Variants in GIMAP6 observed in about 807,000 individuals in gnomAD.
The protein encoded by GIMAP6 is GTPase, IMAP family member 6.
A neutral mutation model predicts 9.3 loss-of-function variants in GIMAP6; 6 were observed. The observed-to-expected ratio is 0.65, with a 90% CI of 0.35 to 1.27. The LOEUF is 1.27. Ranked by LOEUF, GIMAP6 falls within the 50% of genes most tolerant of loss-of-function variation. GIMAP6 has a pLI of 0.03. For missense variants in GIMAP6, 333 were observed against 359.5 expected (o/e 0.93, Z 0.60); for synonymous variants, 156 against 151.1 (o/e 1.03, Z -0.24).
intron 1 of GIMAP6, among the ~76,000 whole-genome samples, chr7:150,631,034 G>A (rs1796383903): frequency 6.6e-6 from 1 of 152,164 alleles, no homozygotes; most frequent in Non-Finnish European, 1.5e-5. Flanking sequence ...GGACTGAGGA[G>A]GAAGTTGCAT....
At chr7:150,628,928 C>G in intron 2 of GIMAP6, 1 of 481,214 alleles carries the variant, frequency 2.1e-6, no homozygotes, top group Non-Finnish European at 3.6e-6. Flanking sequence ...TCTCAGATGA[C>G]AAAGCATGAA....
chr7:150,630,284 C>A (rs1796370714), intron 1 of GIMAP6, 142 bp from the exon 2 acceptor site: 2 of 583,482 alleles, frequency 3.4e-6, no homozygotes, highest in Admixed American at 3.6e-5. Context: ...CTGAGTGAGG[C>A]AATGGAAGAA....
chr7:150,628,267 C>T lies in GIMAP6; in HGVS notation c.331G>A (p.Ala111Thr), dbSNP rs375860624. Residue 111 changes from alanine (A) to threonine (T), a missense_variant, in exon 3 of 3, where the codon GCT (alanine) becomes ACT (threonine). By Grantham distance (58) the Ala-to-Thr change is moderately conservative. Transcript: ENST00000328902. ...GATAAGACGATGGCTTGGCAGATAG[C>T]GTCTGCCACCTCTGGCGAGACCTGG... ...SPQVSPEVAD[A>T]ICQAIVLSAP... 4.9e-5 allele frequency: 79 copies of T among 1,614,034 alleles called. No homozygotes were observed. Among genetic ancestry groups the T allele is most frequent in the East Asian group, 1.6e-4 (7 of 44,874 alleles).
intron 2 of GIMAP6, 66 bp downstream of exon 2, chr7:150,629,992 G>T: frequency 1.9e-6 from 2 of 1,036,942 alleles, no homozygotes; most frequent in Non-Finnish European, 1.5e-6. Flanking sequence ...CACTATGGTG[G>T]TGGAGCTGTG....
chr7:150,628,545 G>C, intron 2 of GIMAP6, 33 bp from the exon 3 acceptor site: 2 of 1,607,384 alleles, frequency 1.2e-6, no homozygotes, highest in Non-Finnish European at 1.7e-6. Flanking sequence ...GAGGGAACTG[G>C]GGTAAGGGCC....
rs146066712 is a variant in GIMAP6, at chr7:150,628,403, G to A, written c.195C>T (p.Val65=). The stretch of plus-strand genomic sequence containing the variant: ...GTCTGGTGCTGAGTTTAGACTCGAA[G>A]ACGTCCCTGCCGAGGATGCTGTTTC... ...ATGNSILGRD[V]FESKLSTRPV... is the part of the protein sequence containing the mutation. Residue 65 remains valine (V), a synonymous_variant, in exon 3 of 3, where the codon GTC becomes GTT. Coordinates refer to ENST00000328902, the MANE Select transcript of GIMAP6 (RefSeq NM_024711.6). 6 of 1,614,174 alleles carry A rather than the reference G, an allele frequency of 3.7e-6. No homozygotes were observed. The highest frequency in any genetic ancestry group is 5.1e-6 in the Non-Finnish European group (6 of 1,180,012).
chr7:150,630,283 G>A, intron 1 of GIMAP6, 141 bp from the exon 2 acceptor site: 2 of 585,300 alleles, frequency 3.4e-6, no homozygotes, highest in Non-Finnish European at 5.8e-6. Flanking sequence ...ACTGAGTGAG[G>A]CAATGGAAGA....
At chr7:150,630,000 G>T in intron 2 of GIMAP6, 58 bp downstream of exon 2, 1 of 1,123,838 alleles carries the variant, frequency 8.9e-7, no homozygotes, top group Non-Finnish European at 1.3e-6. Flanking sequence ...TGGTGGAGCT[G>T]TGTCCCACCT....
intron 2 of GIMAP6, among the ~76,000 whole-genome samples, chr7:150,629,665 G>A (rs145028671): frequency 2.6e-5 from 4 of 152,056 alleles, no homozygotes; most frequent in African/African-American, 4.8e-5. Context: ...GCTCCACTTC[G>A]GAGTCAGCCA....
At chr7:150,630,490 T>G (rs1585184107) in intron 1 of GIMAP6, among the ~76,000 whole-genome samples, 1 of 148,796 alleles carries the variant, frequency 6.7e-6, no homozygotes, top group Non-Finnish European at 1.5e-5. Flanking sequence ...TGGGGGGAGG[T>G]GGAGGAAGGG....
intron 2 of GIMAP6, among the ~76,000 whole-genome samples, chr7:150,629,420 C>G (rs1796354954): frequency 6.6e-6 from 1 of 152,202 alleles, no homozygotes; most frequent in Non-Finnish European, 1.5e-5. Context: ...TATTAAAATA[C>G]ATAATGAATC....
chr7:150,628,585 C>A, intron 2 of GIMAP6, 73 bp from the exon 3 acceptor site: 2 of 1,599,100 alleles, frequency 1.3e-6, no homozygotes, highest in African/African-American at 1.3e-5. Context: ...TCACCAGGAG[C>A]CTCTGGGTGT....
chr7:150,628,736 C>T (rs1047902271), intron 2 of GIMAP6: 21 of 1,464,724 alleles, frequency 1.4e-5, no homozygotes, highest in Middle Eastern at 1.8e-4. Context: ...GAAAGAAGAG[C>T]GAGACTTGGC....
chr7:150,627,412 T>G lies in GIMAP6; in HGVS notation c.*307A>C. On this transcript the variant is annotated 3_prime_UTR_variant, in exon 3 of 3. Transcript: ENST00000328902. ...AGGCCTGCCCTCAAGAAACTTTGGT[T>G]CTATCAGAGTATAGACAAGTAACTC... 2.3e-6 allele frequency: 1 copy of G among 431,688 alleles called. No individual in the cohort carries two copies. The highest frequency in any genetic ancestry group is 4.2e-6 in the Non-Finnish European group (1 of 236,402). The allele number at this position is 431,688 out of a possible 1,614,324, so 26.7% of individuals were successfully genotyped here. A position where few individuals can be genotyped will look rare whatever the true frequency, so the allele number is the denominator to read the frequency against.
rs1282044276 is a variant in GIMAP6, at chr7:150,628,432, T to TTGCA, written c.162_165dup (p.Thr56CysfsTer15). The TTGCA allele has an allele frequency of 4.3e-6, 7 of 1,614,062 alleles. No homozygotes were observed. Among genetic ancestry groups the TTGCA allele is most frequent in the African/African-American group, 4.0e-5 (3 of 74,922 alleles). ...TCCCTGCCGAGGATGCTGTTTCCTG[T>TTGCA]TGCACTCTTCCCACTCCCTGTTTTC... is the stretch of plus-strand genomic sequence containing the variant. On this transcript the variant is annotated frameshift_variant, in exon 3 of 3. Coordinates refer to ENST00000328902, the MANE Select transcript of GIMAP6 (RefSeq NM_024711.6). LOFTEE classifies it high-confidence loss of function.
At chr7:150,629,922 G>A (rs1313835058) in intron 2 of GIMAP6, 136 bp downstream of exon 2, 25 of 683,466 alleles carry the variant, frequency 3.7e-5, no homozygotes, top group East Asian at 3.2e-4. Flanking sequence ...AAAGGCCTCT[G>A]ATGGTGGCTG....
Position 150,627,534 on chromosome 7 carries a change from T to G in GIMAP6, c.*185A>C. 2 of 663,322 alleles carry G rather than the reference T, an allele frequency of 3.0e-6. No homozygotes were observed. The highest frequency in any genetic ancestry group is 3.7e-5 in the South Asian group (2 of 54,580). 41.1% of individuals were successfully genotyped at this position (663,322 alleles called of 1,614,324 possible). A position where few individuals can be genotyped will look rare whatever the true frequency, so the allele number is the denominator to read the frequency against. ...GACCCAGATGTTCTGGAAGAAGGAA[T>G]GAAGGAACTGGAATGTGATCTGGGC... On this transcript the variant is annotated 3_prime_UTR_variant, in exon 3 of 3. Coordinates refer to ENST00000328902, the MANE Select transcript of GIMAP6 (RefSeq NM_024711.6).
intron 1 of GIMAP6, among the ~76,000 whole-genome samples, 194 bp from the exon 2 acceptor site, chr7:150,630,336 C>A (rs62491812): frequency 0.18 from 27,566 of 151,776 alleles, 2,946 homozygotes; most frequent in Admixed American, 0.25. Context: ...GACCCTATTT[C>A]TTTAGGGATG....
chr7:150,627,544 G>A lies in GIMAP6; in HGVS notation c.*175C>T. On this transcript the variant is annotated 3_prime_UTR_variant, in exon 3 of 3. Transcript: ENST00000328902. Reference sequence around the variant, plus strand: ...TTCTGGAAGAAGGAATGAAGGAACTGGAATGTGATCTGGGCATGCTGGACC... The same window carrying A: ...TTCTGGAAGAAGGAATGAAGGAACTAGAATGTGATCTGGGCATGCTGGACC... The A allele has an allele frequency of 1.4e-6, 1 of 697,554 alleles. No homozygotes were observed. Among genetic ancestry groups the A allele is most frequent in the Non-Finnish European group, 2.4e-6 (1 of 409,342 alleles). The allele number at this position is 697,554 out of a possible 1,614,324, so 43.2% of individuals were successfully genotyped here. A position where few individuals can be genotyped will look rare whatever the true frequency, so the allele number is the denominator to read the frequency against.
Sources: allele counts gnomAD v4.1 joint callset (sites outside exome capture counted in the v4.1 genomes callset), GRCh38; gene constraint gnomAD v4.1.1; transcripts MANE v1.5; gene names NCBI Gene and HGNC (gene_info 2026-07-23, HGNC 2026-07-21).